Variants in ALG12 observed in about 807,000 individuals in gnomAD.
ALG12 encodes ALG12 alpha-1,6-mannosyltransferase.
Under a neutral mutation model 46.0 loss-of-function variants are expected in ALG12, and 36 were observed. The ratio of observed to expected loss-of-function variants is 0.78; its 90% CI spans 0.60 to 1.03. ALG12 has a LOEUF of 1.03. ALG12 is among the 50% of genes least tolerant of loss of function. ALG12 has a pLI of 0.00. For synonymous variants in ALG12, 326 were observed against 291.6 expected (o/e 1.12, Z -1.20); for missense variants, 599 against 633.5 (o/e 0.95, Z 0.58).
At chr22:49,875,741 C>T in the ALG12 span, among the ~76,000 whole-genome samples, 1 of 152,090 alleles carries the variant, frequency 6.6e-6, no homozygotes, top group African/African-American at 2.4e-5. Context: ...ATCTGAGTTG[C>T]AGAACTTATT....
chr22:49,877,093 GTAAA>G, the ALG12 span, among the ~76,000 whole-genome samples: 7 of 152,094 alleles, frequency 4.6e-5, no homozygotes, highest in Non-Finnish European at 8.8e-5. Flanking sequence ...TTATGTAAAA[GTAAA>G]TGAACGCTGG....
intron 6 of ALG12, 68 bp downstream of exon 6, chr22:49,909,176 C>G: frequency 1.3e-6 from 2 of 1,492,436 alleles, no homozygotes; most frequent in African/African-American, 2.8e-5. Context: ...TTCCACTGCC[C>G]ATGGAGGCCC....
At chr22:49,914,998 G>C (rs2060601593) in intron 1 of ALG12, among the ~76,000 whole-genome samples, 1 of 152,212 alleles carries the variant, frequency 6.6e-6, no homozygotes. Flanking sequence ...TGAAGTATTG[G>C]GATTACAGGC....
chr22:49,894,113 C>T, the ALG12 span, among the ~76,000 whole-genome samples: 2,923 of 152,164 alleles, frequency 0.019, 88 homozygotes, highest in African/African-American at 0.065. Context: ...TGCAGTGAGC[C>T]GAGATGGCAC....
chr22:49,887,933 C>CAT, the ALG12 span: 1 of 167,268 alleles, frequency 6.0e-6, no homozygotes. Flanking sequence ...CGTTCAATGA[C>CAT]ACGCTGATGG....
the ALG12 span, among the ~76,000 whole-genome samples, chr22:49,867,477 T>C: frequency 2.6e-5 from 4 of 152,236 alleles, no homozygotes; most frequent in Non-Finnish European, 5.9e-5. Flanking sequence ...TAGTTCTGGG[T>C]GGCCTGGTAG....
chr22:49,884,811 C>T, the ALG12 span: 1 of 1,610,226 alleles, frequency 6.2e-7, no homozygotes, highest in Non-Finnish European at 8.5e-7. Flanking sequence ...TCAGAGAGTC[C>T]CCTTCGGCCT....
Position 49,912,093 on chromosome 22 carries a change from C to G in ALG12, c.295+1292G>C, listed in dbSNP as rs539151546. Among the ~76,000 whole-genome samples the G allele has an allele frequency of 1.3e-3, 188 of 144,782 alleles. 3 individuals carry two copies. The highest frequency in any genetic ancestry group is 0.011 in the Middle Eastern group (3 of 284). 95.0% of individuals were successfully genotyped at this position (144,782 alleles called of 152,430 possible). Reference sequence around the variant, plus strand: ...CTGGCCCCGGGATCACCCTCGGCCCCGGGATCACCCTCGGCCCCGGGATCA... The same window carrying G: ...CTGGCCCCGGGATCACCCTCGGCCCGGGGATCACCCTCGGCCCCGGGATCA... On this transcript the variant is annotated intron_variant, in intron 3 of 9. Coordinates refer to ENST00000330817, the MANE Select transcript of ALG12 (RefSeq NM_024105.4).
At chr22:49,908,040 G>A in intron 6 of ALG12, 96 bp from the exon 7 acceptor site, 1 of 1,271,390 alleles carries the variant, frequency 7.9e-7, no homozygotes, top group Non-Finnish European at 1.1e-6. Context: ...GAAGACAGTT[G>A]TGCTGAGAGA....
At chr22:49,909,063 C>T (rs2060560353) in intron 6 of ALG12, among the ~76,000 whole-genome samples, 181 bp downstream of exon 6, 1 of 152,188 alleles carries the variant, frequency 6.6e-6, no homozygotes, top group African/African-American at 2.4e-5. Context: ...AGAGGGCAGC[C>T]AGGACCTCAC....
chr22:49,892,004 C>T, the ALG12 span, among the ~76,000 whole-genome samples: 1 of 151,808 alleles, frequency 6.6e-6, no homozygotes, highest in Non-Finnish European at 1.5e-5. Context: ...CTGGCTAAAA[C>T]AGTGAAACCC....
At chr22:49,886,155 G>A in the ALG12 span, 30 of 694,724 alleles carry the variant, frequency 4.3e-5, no homozygotes, top group Admixed American at 1.4e-4. The surrounding 1 kb of genome is among the most constrained non-coding windows in gnomAD (Gnocchi z 7.7). Flanking sequence ...TCAGCCATAC[G>A]GTGAACCTGA....
chr22:49,862,334 C>T, the ALG12 span, among the ~76,000 whole-genome samples: 597 of 152,342 alleles, frequency 3.9e-3, 13 homozygotes, highest in Middle Eastern at 0.014. Flanking sequence ...GAATTGATCT[C>T]CTGTGCTCAA....
Position 49,913,457 on chromosome 22 carries a change from C to T in ALG12, c.223G>A (p.Ala75Thr), listed in dbSNP as rs761301009. ...PRTFLGPVVI[A>T]VFSSPAVYVL... is the part of the protein sequence containing the mutation. ...TAAACCGCGGGGCTGGAGAACACTGCGATCACCACTGGCCCGAGGAACGTC... is the reference window on the plus strand; with the variant it reads ...TAAACCGCGGGGCTGGAGAACACTGTGATCACCACTGGCCCGAGGAACGTC... Residue 75 changes from alanine to threonine, a missense_variant, in exon 3 of 10, where the codon GCA (alanine) becomes ACA (threonine). Coordinates refer to ENST00000330817, the MANE Select transcript of ALG12 (RefSeq NM_024105.4). The T allele has an allele frequency of 3.0e-5, 48 of 1,613,860 alleles. No individual in the cohort carries two copies. Among genetic ancestry groups the T allele is most frequent in the East Asian group, 4.5e-5 (2 of 44,904 alleles).
At chr22:49,913,918 G>T (rs1162077043) in intron 1 of ALG12, 75 bp from the exon 2 acceptor site, 5 of 938,036 alleles carry the variant, frequency 5.3e-6, no homozygotes, top group African/African-American at 3.2e-5. Context: ...CGGGTAAAGG[G>T]TTAGCAGAAT....
the ALG12 span, among the ~76,000 whole-genome samples, chr22:49,873,306 C>T: frequency 1.3e-5 from 2 of 152,134 alleles, no homozygotes; most frequent in Non-Finnish European, 2.9e-5. Flanking sequence ...ATTAATCGGC[C>T]TAATTCTAAT....
At chr22:49,904,275 G>A (rs376012005) in intron 8 of ALG12, 21 bp from the exon 9 acceptor site, 24 of 1,613,966 alleles carry the variant, frequency 1.5e-5, no homozygotes, top group Middle Eastern at 1.6e-4. Flanking sequence ...CAGGCCTGCC[G>A]TCAGAGCCCA....
At chr22:49,883,935 C>G in the ALG12 span, 4 of 1,613,308 alleles carry the variant, frequency 2.5e-6, no homozygotes, top group East Asian at 6.7e-5. Context: ...CCCAGTACAG[C>G]AGCACCCTAT....
the ALG12 span, among the ~76,000 whole-genome samples, chr22:49,891,029 CAAAA>C: frequency 2.5e-5 from 3 of 119,124 alleles, no homozygotes; most frequent in South Asian, 2.5e-4. Context: ...GACTCCATCT[CAAAA>C]AAAAAAAAAA....
Sources: gnomAD v4.1 joint callset for allele counts (sites outside exome capture counted in the v4.1 genomes callset) on GRCh38, gnomAD v4.1.1 for gene constraint, Gnocchi (gnomAD v3.1) non-coding constraint, MANE v1.5 for transcripts, NCBI Gene and HGNC (gene_info 2026-07-23, HGNC 2026-07-21) for gene names.